Variants in NME5 observed in about 807,000 individuals in gnomAD.
The protein encoded by NME5 is NME/NM23 family member 5.
Under a neutral mutation model 21.6 loss-of-function variants are expected in NME5, and 18 were observed. That is an observed-to-expected ratio of 0.83 (90% CI 0.58 to 1.24). NME5 has a LOEUF of 1.24. Among genes scored for constraint, NME5 ranks in the 50% most tolerant of loss-of-function variants. NME5 has a pLI of 0.00. For missense variants in NME5, 223 were observed against 255.4 expected (o/e 0.87, Z 0.86); for synonymous variants, 70 against 80.6 (o/e 0.87, Z 0.71).
At chr5:138,131,880 A>ATT (rs1751576797) in intron 2 of NME5, among the ~76,000 whole-genome samples, 4 of 151,872 alleles carry the variant, frequency 2.6e-5, no homozygotes, top group Admixed American at 2.6e-4. Context: ...AGTAGCTGGG[A>ATT]TTATAGGTGC....
chr5:138,125,577 A>C (rs1751379443), intron 4 of NME5, among the ~76,000 whole-genome samples: 1 of 151,884 alleles, frequency 6.6e-6, no homozygotes, highest in South Asian at 2.1e-4. Context: ...AGACCCTGTG[A>C]CCACCCCCCA....
intron 4 of NME5, among the ~76,000 whole-genome samples, chr5:138,125,197 C>G (rs929487324): frequency 5.9e-5 from 9 of 152,148 alleles, no homozygotes; most frequent in African/African-American, 2.2e-4. Context: ...GTTGGAATCA[C>G]AGGTGTGAGC....
intron 2 of NME5, among the ~76,000 whole-genome samples, chr5:138,133,119 G>A (rs1183975053): frequency 1.3e-5 from 2 of 148,578 alleles, no homozygotes; most frequent in Non-Finnish European, 3.0e-5. Context: ...TTTTTGAGAC[G>A]GAGTCTCATC....
In NME5 at chr5:138,115,492, C is replaced by A. The variant is rs548360823; in HGVS notation, c.*189G>T. The A allele has an allele frequency of 2.4e-6, 1 of 413,840 alleles. No individual in the cohort carries two copies. The highest frequency in any genetic ancestry group is 3.7e-5 in the East Asian group (1 of 26,940). The allele number at this position is 413,840 out of a possible 1,614,324, so 25.6% of individuals were successfully genotyped here. A position where few individuals can be genotyped will look rare whatever the true frequency, so the allele number is the denominator to read the frequency against. ...GTGTTACATCATTGTTAAAATCATACTCTAAGCCTATATTTTACCTTAATG... is the reference window on the plus strand; with the variant it reads ...GTGTTACATCATTGTTAAAATCATAATCTAAGCCTATATTTTACCTTAATG... On this transcript the variant is annotated 3_prime_UTR_variant, in exon 6 of 6. Transcript: ENST00000265191.
intron 2 of NME5, among the ~76,000 whole-genome samples, chr5:138,134,729 CTTT>C (rs112868350): frequency 7.1e-6 from 1 of 141,566 alleles, no homozygotes; most frequent in Non-Finnish European, 1.5e-5. Context: ...AAGTTTGTCA[CTTT>C]TTTTTTTTTT....
intron 4 of NME5, among the ~76,000 whole-genome samples, chr5:138,122,572 T>C (rs1751311423): frequency 6.6e-6 from 1 of 151,808 alleles, no homozygotes; most frequent in South Asian, 2.1e-4. Context: ...TGCACACAAT[T>C]AATGTATACA....
chr5:138,117,260 A>C (rs2151156482), intron 5 of NME5, among the ~76,000 whole-genome samples: 1 of 151,786 alleles, frequency 6.6e-6, no homozygotes, highest in East Asian at 1.9e-4. Context: ...AAAACATAAA[A>C]CACAGGGGTA....
chr5:138,117,087 T>C (rs1419883375), intron 5 of NME5, among the ~76,000 whole-genome samples: 1 of 151,128 alleles, frequency 6.6e-6, no homozygotes, highest in African/African-American at 2.4e-5. Flanking sequence ...TGTGCTCCTG[T>C]GGTCCCAGCT....
At chr5:138,131,379 CAA>C (rs879516661) in intron 2 of NME5, among the ~76,000 whole-genome samples, 4 of 138,198 alleles carry the variant, frequency 2.9e-5, no homozygotes. Context: ...GAAACTCCGT[CAA>C]AAAAAAAAAA....
intron 4 of NME5, among the ~76,000 whole-genome samples, chr5:138,119,193 A>C (rs1751229938): frequency 6.6e-6 from 1 of 151,190 alleles, no homozygotes; most frequent in Non-Finnish European, 1.5e-5. Flanking sequence ...CACCCTGCTA[A>C]TTTTTGTATT....
intron 5 of NME5, chr5:138,116,775 G>C (rs1751166419): frequency 6.5e-6 from 1 of 153,734 alleles, no homozygotes; most frequent in African/African-American, 2.4e-5. Context: ...TGGACTTGGA[G>C]AAAGAACAGT....
chr5:138,138,803 T>G lies in NME5; in HGVS notation c.-5-18A>C. The G allele has an allele frequency of 1.9e-6, 3 of 1,593,368 alleles. No homozygotes were observed. In the South Asian group the frequency reaches 3.4e-5, roughly 18 times the overall value. On this transcript the variant is annotated intron_variant, in intron 1 of 5. Coordinates refer to ENST00000265191, the MANE Select transcript of NME5 (RefSeq NM_003551.3). ...CATTATGGCTTTTCAGGGCACAAAT[T>G]AAGAGTTTCTTAACAGGTATCAACT... is the stretch of plus-strand genomic sequence containing the variant.
At chr5:138,118,431 G>A (rs966131020) in intron 5 of NME5, among the ~76,000 whole-genome samples, 5 of 149,936 alleles carry the variant, frequency 3.3e-5, no homozygotes, top group South Asian at 2.1e-4. Flanking sequence ...AGCTATATTC[G>A]CAGTATTTCA....
chr5:138,127,517 G>A (rs548528994), intron 4 of NME5: 2 of 977,376 alleles, frequency 2.0e-6, no homozygotes, highest in East Asian at 2.3e-4. Flanking sequence ...ATGACTTAGG[G>A]AAAAATAAGT....
In NME5 at chr5:138,115,600, A is replaced by G. The variant is rs1386949490; in HGVS notation, c.*81T>C. The stretch of plus-strand genomic sequence containing the variant: ...TTTTACTTGTAGTTACTTAAACCCT[A>G]GAAATAATTTTTTCAAACAGTAGAA... On this transcript the variant is annotated 3_prime_UTR_variant, in exon 6 of 6. Coordinates refer to ENST00000265191, the MANE Select transcript of NME5 (RefSeq NM_003551.3). 8 of 780,816 alleles carry G rather than the reference A, an allele frequency of 1.0e-5. No homozygotes were observed. Among genetic ancestry groups the G allele is most frequent in the Non-Finnish European group, 1.6e-5 (8 of 501,978 alleles). The allele number at this position is 780,816 out of a possible 1,614,324, so 48.4% of individuals were successfully genotyped here.
chr5:138,135,286 C>G (rs1338622696), intron 2 of NME5, among the ~76,000 whole-genome samples: 9 of 144,752 alleles, frequency 6.2e-5, no homozygotes. Context: ...CCACTGCACT[C>G]CAGCCTGGGC....
At chr5:138,135,808 C>G (rs1384560821) in intron 2 of NME5, among the ~76,000 whole-genome samples, 1 of 152,184 alleles carries the variant, frequency 6.6e-6, no homozygotes, top group African/African-American at 2.4e-5. Context: ...TCAGTTCTTC[C>G]TTGCCCTCAA....
rs190185957 is a variant in NME5, at chr5:138,115,517, G to C, written c.*164C>G. The C allele has an allele frequency of 2.4e-5, 11 of 450,828 alleles. No homozygotes were observed. The East Asian group carries it at 3.7e-4, about 15-fold the overall frequency. 27.9% of individuals were successfully genotyped at this position (450,828 alleles called of 1,614,324 possible). A position where few individuals can be genotyped will look rare whatever the true frequency, so the allele number is the denominator to read the frequency against. On this transcript the variant is annotated 3_prime_UTR_variant, in exon 6 of 6. Transcript: ENST00000265191. ...CTCTAAGCCTATATTTTACCTTAAT[G>C]TTATCTGCTTCATAGAATAGTTATT...
chr5:138,123,077 C>T (rs918432389), intron 4 of NME5: 3 of 152,048 alleles, frequency 2.0e-5, no homozygotes, highest in Admixed American at 6.6e-5. Flanking sequence ...TTCTCTGTAT[C>T]GTTCCAATTT....
Sources: gnomAD v4.1 joint callset for allele counts (sites outside exome capture counted in the v4.1 genomes callset) on GRCh38, gnomAD v4.1.1 for gene constraint, MANE v1.5 for transcripts, NCBI Gene and HGNC (gene_info 2026-07-23, HGNC 2026-07-21) for gene names.